Variants in UXS1 observed in about 807,000 individuals in gnomAD.
The protein encoded by UXS1 is UDP-glucuronic acid decarboxylase 1.
UXS1 carries 33 observed loss-of-function variants against 62.6 expected under a neutral mutation model. The ratio of observed to expected loss-of-function variants is 0.53; its 90% CI spans 0.40 to 0.70. UXS1 has a LOEUF of 0.70. Among genes scored for constraint, UXS1 ranks in the 30% least tolerant of loss-of-function variants. The pLI is 0.00. For synonymous variants in UXS1, 213 were observed against 206.8 expected (o/e 1.03, Z -0.26); for missense variants, 434 against 556.3 (o/e 0.78, Z 2.21).
At chr2:106,129,843 G>T in intron 6 of UXS1, 65 bp from the exon 7 acceptor site, 1 of 969,158 alleles carries the variant, frequency 1.0e-6, no homozygotes, top group Non-Finnish European at 1.5e-6. Context: ...GACCTCCTAG[G>T]ATATATACTG....
At chr2:106,176,222 A>G (rs75050736) in intron 1 of UXS1, among the ~76,000 whole-genome samples, 252 of 152,266 alleles carry the variant, frequency 1.7e-3, no homozygotes, top group African/African-American at 5.8e-3. Flanking sequence ...AAACAAGTGT[A>G]CATAGGAAAG....
intron 10 of UXS1, among the ~76,000 whole-genome samples, chr2:106,107,575 T>C (rs1382792691): frequency 6.6e-6 from 1 of 152,236 alleles, no homozygotes; most frequent in Non-Finnish European, 1.5e-5. Flanking sequence ...GCCAGGTACC[T>C]GCTCAACCAA....
chr2:106,123,225 CTCAGGTT>C, intron 8 of UXS1, 134 bp from the exon 9 acceptor site: 1 of 1,267,568 alleles, frequency 7.9e-7, no homozygotes, highest in Non-Finnish European at 1.1e-6. Flanking sequence ...AAGAGGCAAC[CTCAGGTT>C]TCCAGTCCAT....
intron 1 of UXS1, among the ~76,000 whole-genome samples, chr2:106,191,773 T>TA (rs1684951548): frequency 6.6e-6 from 1 of 152,372 alleles, no homozygotes; most frequent in Admixed American, 6.5e-5. Flanking sequence ...AACTCCTACA[T>TA]AAGCCGTCCA....
chr2:106,126,122 G>A (rs1679924916), intron 7 of UXS1, among the ~76,000 whole-genome samples: 1 of 152,040 alleles, frequency 6.6e-6, no homozygotes, highest in South Asian at 2.1e-4. Flanking sequence ...ACCCTGTCTG[G>A]GTAACTCTCC....
At chr2:106,173,456 A>T (rs1683688146) in intron 1 of UXS1, among the ~76,000 whole-genome samples, 1 of 152,166 alleles carries the variant, frequency 6.6e-6, no homozygotes, top group African/African-American at 2.4e-5. Flanking sequence ...CAGGAAGCTG[A>T]GGTGGGAGAA....
intron 14 of UXS1, 55 bp from the exon 15 acceptor site, chr2:106,094,212 C>CCCAGGAAGGAAGTGCCACCTT (rs1558665543): frequency 8.4e-6 from 10 of 1,186,250 alleles, no homozygotes; most frequent in Non-Finnish European, 1.2e-5. Context: ...AGAAGGGCAT[C>CCCAGGAAGGAAGTGCCACCTT]GCAGGAAGGA....
At position 106,155,564 on chromosome 2, in the gene UXS1, A is replaced by G. The variant is rs990545915; in HGVS notation, c.291+2494T>C. ...ACTTATCTTTGTTATAACTACCTACAGTATTCAGTATAGCAACATGCTGTA... is the reference window on the plus strand; with the variant it reads ...ACTTATCTTTGTTATAACTACCTACGGTATTCAGTATAGCAACATGCTGTA... On this transcript the variant is annotated intron_variant, in intron 5 of 14. Coordinates refer to ENST00000283148, the MANE Select transcript of UXS1 (RefSeq NM_001253875.2). Among the ~76,000 whole-genome samples the G allele has an allele frequency of 8.5e-5, 13 of 152,396 alleles. No individual in the cohort carries two copies. In the South Asian group the frequency reaches 1.7e-3, roughly 19 times the overall value.
chr2:106,164,610 TGAGACACGG>T, intron 3 of UXS1, 117 bp downstream of exon 3: 1 of 667,422 alleles, frequency 1.5e-6, no homozygotes, highest in Non-Finnish European at 2.4e-6. Context: ...AGTAATTTTT[TGAGACACGG>T]TTGCAAAATC....
At chr2:106,188,685 C>T (rs974477751) in intron 1 of UXS1, among the ~76,000 whole-genome samples, 5 of 152,290 alleles carry the variant, frequency 3.3e-5, no homozygotes, top group Admixed American at 2.6e-4. Context: ...AGGACCAACC[C>T]GCAGCACTAA....
At chr2:106,118,993 T>G (rs1328677805) in intron 9 of UXS1, among the ~76,000 whole-genome samples, 1 of 152,220 alleles carries the variant, frequency 6.6e-6, no homozygotes, top group East Asian at 1.9e-4. Context: ...TGGTTCATCC[T>G]CCTTGATTTT....
chr2:106,129,815 A>T (rs780607062), intron 6 of UXS1, 37 bp from the exon 7 acceptor site: 1 of 1,434,974 alleles, frequency 7.0e-7, no homozygotes, highest in South Asian at 1.3e-5. Context: ...TACTTCAAAA[A>T]AGCACCAAAA....
chr2:106,193,561 C>G (rs539523289), intron 1 of UXS1, among the ~76,000 whole-genome samples: 1 of 152,096 alleles, frequency 6.6e-6, no homozygotes, highest in South Asian at 2.1e-4. Context: ...CCGCCGAGCC[C>G]CGGGGGAAAA....
intron 5 of UXS1, among the ~76,000 whole-genome samples, chr2:106,156,877 A>G (rs1316192138): frequency 6.6e-6 from 1 of 152,204 alleles, no homozygotes; most frequent in East Asian, 1.9e-4. Context: ...CTGTATAAAT[A>G]AACTGTGGTA....
At chr2:106,108,216 T>A (rs1012224580) in intron 10 of UXS1, among the ~76,000 whole-genome samples, 2 of 152,258 alleles carry the variant, frequency 1.3e-5, no homozygotes, top group Non-Finnish European at 2.9e-5. Context: ...ACACAGTACT[T>A]TGCAACATGA....
intron 5 of UXS1, among the ~76,000 whole-genome samples, chr2:106,156,847 C>G (rs1682472490): frequency 6.6e-6 from 1 of 152,122 alleles, no homozygotes; most frequent in Non-Finnish European, 1.5e-5. Flanking sequence ...GATAAGGAAA[C>G]CACAGATATG....
intron 1 of UXS1, among the ~76,000 whole-genome samples, chr2:106,178,610 A>ATG (rs1221055452): frequency 2.0e-5 from 3 of 151,908 alleles, no homozygotes; most frequent in Non-Finnish European, 2.9e-5. Context: ...GTGTGTATAT[A>ATG]TGTGTGTGTG....
At chr2:106,186,917 T>G (rs1684594384) in intron 1 of UXS1, among the ~76,000 whole-genome samples, 1 of 152,148 alleles carries the variant, frequency 6.6e-6, no homozygotes, top group Admixed American at 6.5e-5. Context: ...TAGATATTAT[T>G]TTGTTAATTT....
chr2:106,122,000 C>G (rs1023782621), intron 9 of UXS1, among the ~76,000 whole-genome samples: 2 of 152,198 alleles, frequency 1.3e-5, no homozygotes, highest in Admixed American at 1.3e-4. Flanking sequence ...CTGAGACAGA[C>G]AGTCAGGAAA....
Sources: allele counts gnomAD v4.1 joint callset (sites outside exome capture counted in the v4.1 genomes callset), GRCh38; gene constraint gnomAD v4.1.1; transcripts MANE v1.5; gene names NCBI Gene and HGNC (gene_info 2026-07-23, HGNC 2026-07-21).